Variants in HS3ST4 observed in about 807,000 individuals in gnomAD.
HS3ST4 encodes the protein heparan sulfate glucosamine 3-O-sulfotransferase 4.
In HS3ST4, 17 loss-of-function variants were observed where a neutral mutation model predicts 29.2. The observed-to-expected ratio is 0.58, with a 90% CI of 0.40 to 0.87. The LOEUF (loss-of-function observed/expected upper bound fraction) is 0.87. HS3ST4 is among the 40% of genes least tolerant of loss of function. HS3ST4 has a pLI of 0.00. For synonymous variants in HS3ST4, 314 were observed against 285.7 expected (o/e 1.10, Z -1.00); for missense variants, 627 against 634.5 (o/e 0.99, Z 0.13).
intron 1 of HS3ST4, among the ~76,000 whole-genome samples, chr16:25,766,082 T>A (rs1418024290): frequency 6.6e-6 from 1 of 151,914 alleles, no homozygotes; most frequent in East Asian, 1.9e-4. Context: ...TGTGAGGACA[T>A]CTCTGGACTT....
At chr16:26,010,417 G>A (rs529491030) in intron 1 of HS3ST4, among the ~76,000 whole-genome samples, 17 of 151,700 alleles carry the variant, frequency 1.1e-4, no homozygotes, top group Admixed American at 5.9e-4. Context: ...TCACGCCGCT[G>A]CACTCTAGCC....
rs928880672 is a variant in HS3ST4 at position 26,073,866 on chromosome 16, G to A, written c.735-61746G>A. Reference sequence around the variant, plus strand: ...ATGCCTTATTGCTTCTAGCTTCTGAGTATCTAGTTTTCTCTACCTCTCGGG... The same window carrying A: ...ATGCCTTATTGCTTCTAGCTTCTGAATATCTAGTTTTCTCTACCTCTCGGG... On this transcript the variant is annotated intron_variant, in intron 1 of 1. Transcript: ENST00000331351. Among the ~76,000 whole-genome samples the A allele has an allele frequency of 5.1e-4, 77 of 152,198 alleles. 1 individual carries two copies. The highest frequency in any genetic ancestry group is 1.8e-3 in the African/African-American group (75 of 41,528).
At position 25,692,639 on chromosome 16, in the gene HS3ST4, G is replaced by A. The variant is rs1966262094; in HGVS notation, c.222G>A (p.Glu74=). ...ALQESPGAAA[E]PPPSPPPPSL... ...AGGAGTCGCCGGGCGCCGCCGCCGA[G>A]CCCCCGCCGAGCCCGCCGCCACCCT... The change falls in exon 1 of 2, where the codon GAG becomes GAA. Residue 74 remains glutamate (E), a synonymous_variant. Transcript: ENST00000331351. 2 of 1,355,766 alleles carry A rather than the reference G, an allele frequency of 1.5e-6. No individual in the cohort carries two copies. The highest frequency in any genetic ancestry group is 1.9e-6 in the Non-Finnish European group (2 of 1,044,924). 84.0% of individuals were successfully genotyped at this position (1,355,766 alleles called of 1,614,324 possible).
chr16:25,774,951 G>A (rs112601674), intron 1 of HS3ST4, among the ~76,000 whole-genome samples: 18 of 152,268 alleles, frequency 1.2e-4, no homozygotes, highest in African/African-American at 4.3e-4. Context: ...GCATCTGGTG[G>A]CTTTGTTATT....
intron 1 of HS3ST4, among the ~76,000 whole-genome samples, chr16:25,720,007 T>C (rs1279302578): frequency 6.6e-6 from 1 of 152,162 alleles, no homozygotes; most frequent in Non-Finnish European, 1.5e-5. Context: ...ACTTATATTC[T>C]ATGGGGGAAG....
intron 1 of HS3ST4, among the ~76,000 whole-genome samples, chr16:25,726,383 T>C (rs773226221): frequency 2.0e-5 from 3 of 152,190 alleles, no homozygotes; most frequent in African/African-American, 7.2e-5. Context: ...GTTGAACATG[T>C]AAATTGCTTT....
chr16:26,066,689 C>T (rs1237244872), intron 1 of HS3ST4, among the ~76,000 whole-genome samples: 1 of 152,222 alleles, frequency 6.6e-6, no homozygotes, highest in African/African-American at 2.4e-5. Context: ...TACAGAAAGA[C>T]AGTGTGCAGA....
intron 1 of HS3ST4, among the ~76,000 whole-genome samples, chr16:26,002,134 GT>G (rs375213580): frequency 9.2e-5 from 14 of 152,292 alleles, no homozygotes; most frequent in African/African-American, 3.1e-4. Context: ...GCCATTGATG[GT>G]TCTGTAGGAT....
chr16:25,757,158 T>A (rs141540837), intron 1 of HS3ST4, among the ~76,000 whole-genome samples: 1 of 152,152 alleles, frequency 6.6e-6, no homozygotes, highest in Non-Finnish European at 1.5e-5. Context: ...GTGAATAGTG[T>A]TCTCTAGATT....
At chr16:25,771,385 A>G (rs1966841778) in intron 1 of HS3ST4, among the ~76,000 whole-genome samples, 1 of 152,032 alleles carries the variant, frequency 6.6e-6, no homozygotes, top group Admixed American at 6.6e-5. Flanking sequence ...TTCCCCATCC[A>G]GTGCTCTGTC....
chr16:25,902,221 T>G (rs1430127957), intron 1 of HS3ST4, among the ~76,000 whole-genome samples: 3 of 152,192 alleles, frequency 2.0e-5, no homozygotes, highest in Non-Finnish European at 2.9e-5. Flanking sequence ...GGCTTTTGTA[T>G]TCAAAAGATG....
chr16:25,996,857 A>G (rs1447582589), intron 1 of HS3ST4, among the ~76,000 whole-genome samples: 1 of 152,212 alleles, frequency 6.6e-6, no homozygotes, highest in Non-Finnish European at 1.5e-5. Flanking sequence ...AAGCCATTAA[A>G]TTATCCCATA....
At chr16:26,125,331 A>G (rs538478238) in intron 1 of HS3ST4, among the ~76,000 whole-genome samples, 7 of 152,350 alleles carry the variant, frequency 4.6e-5, no homozygotes, top group Admixed American at 2.6e-4. Context: ...ACCTCAGGTC[A>G]TCAGGCATTA....
intron 1 of HS3ST4, among the ~76,000 whole-genome samples, chr16:25,967,137 G>A (rs967695003): frequency 6.6e-6 from 1 of 152,138 alleles, no homozygotes; most frequent in African/African-American, 2.4e-5. Context: ...TGCAAGACAT[G>A]TATTCTATAA....
chr16:25,783,369 C>T (rs891655068), intron 1 of HS3ST4, among the ~76,000 whole-genome samples: 1 of 152,178 alleles, frequency 6.6e-6, no homozygotes, highest in Non-Finnish European at 1.5e-5. Context: ...AGGGGTTTAA[C>T]TTCCCTGCCC....
intron 1 of HS3ST4, among the ~76,000 whole-genome samples, chr16:26,103,249 C>A (rs959269793): frequency 3.5e-4 from 54 of 152,168 alleles, no homozygotes; most frequent in Non-Finnish European, 4.4e-5. Context: ...TTGTTATCAC[C>A]ATTATTAATG....
chr16:26,096,131 C>G (rs926218969), intron 1 of HS3ST4, among the ~76,000 whole-genome samples: 1 of 152,104 alleles, frequency 6.6e-6, no homozygotes, highest in Admixed American at 6.5e-5. Context: ...AAGTCCAGGA[C>G]CAGACAGATT....
At chr16:25,761,200 T>G (rs2141606359) in intron 1 of HS3ST4, among the ~76,000 whole-genome samples, 1 of 152,206 alleles carries the variant, frequency 6.6e-6, no homozygotes. Context: ...TGCCTATAAT[T>G]TCCAGTGAAG....
chr16:25,900,921 C>T (rs1319939566), intron 1 of HS3ST4, among the ~76,000 whole-genome samples: 1 of 152,088 alleles, frequency 6.6e-6, no homozygotes, highest in African/African-American at 2.4e-5. Flanking sequence ...CATGTTCTTC[C>T]TACTCTGTTA....
Sources: allele counts gnomAD v4.1 joint callset (sites outside exome capture counted in the v4.1 genomes callset), GRCh38; gene constraint gnomAD v4.1.1; transcripts MANE v1.5; gene names NCBI Gene and HGNC (gene_info 2026-07-23, HGNC 2026-07-21).